The following PROM1 variants were observed in gnomAD, a reference collection of about 807,000 sequenced individuals.
The protein encoded by PROM1 is prominin-1.
PROM1 carries 105 observed loss-of-function variants against 116.9 expected under a neutral mutation model. That is an observed-to-expected ratio of 0.90 (90% CI 0.77 to 1.06). The LOEUF (loss-of-function observed/expected upper bound fraction) is 1.06, where lower values mean the gene tolerates loss of function less well. Ranked by LOEUF, PROM1 falls within the 50% of genes least tolerant of loss-of-function variation. The pLI, the probability that PROM1 is intolerant of heterozygous loss-of-function variation, is 0.00. For synonymous variants in PROM1, 393 were observed against 387.0 expected (o/e 1.02, Z -0.18); for missense variants, 1,122 against 1,045.2 (o/e 1.07, Z -1.01).
intron 13 of PROM1, among the ~76,000 whole-genome samples, chr4:16,001,072 C>T (rs1179392569): frequency 6.6e-6 from 1 of 152,174 alleles, no homozygotes; most frequent in Non-Finnish European, 1.5e-5. Context: ...GTGGATGGGA[C>T]ATCATTGCAG....
intron 24 of PROM1, 67 bp downstream of exon 24, chr4:15,980,355 A>T: frequency 9.6e-7 from 1 of 1,042,228 alleles, no homozygotes; most frequent in Non-Finnish European, 1.4e-6. Context: ...ACTCATCTTT[A>T]GCAACTCTTT....
At chr4:16,038,909 C>A (rs774639107) in intron 3 of PROM1, 37 bp downstream of exon 3, 2 of 1,439,308 alleles carry the variant, frequency 1.4e-6, no homozygotes, top group South Asian at 1.5e-5. Context: ...TCTCATACTT[C>A]GTATTTTTAA....
chr4:16,062,205 T>C (rs1740514185), intron 2 of PROM1, among the ~76,000 whole-genome samples: 1 of 152,106 alleles, frequency 6.6e-6, no homozygotes, highest in Non-Finnish European at 1.5e-5. Context: ...ATTTCCCTTT[T>C]AAGAAGACAC....
chr4:15,985,087 T>G (rs1184639614), intron 22 of PROM1, among the ~76,000 whole-genome samples: 1 of 152,164 alleles, frequency 6.6e-6, no homozygotes, highest in Non-Finnish European at 1.5e-5. Context: ...TTAAAACATA[T>G]TCAGAAAACA....
chr4:16,063,146 G>T (rs1239400868), intron 2 of PROM1, among the ~76,000 whole-genome samples: 2 of 152,174 alleles, frequency 1.3e-5, no homozygotes, highest in Non-Finnish European at 2.9e-5. Flanking sequence ...TAGTTTACAG[G>T]AAATGCAGTA....
At chr4:16,006,433 G>T in intron 13 of PROM1, 105 bp downstream of exon 13, 1 of 1,337,004 alleles carries the variant, frequency 7.5e-7, no homozygotes. Flanking sequence ...CTGGAACCCC[G>T]CGTACGTGGC....
chr4:16,065,122 A>G (rs957776373), intron 2 of PROM1, among the ~76,000 whole-genome samples: 2 of 152,116 alleles, frequency 1.3e-5, no homozygotes, highest in Non-Finnish European at 2.9e-5. Context: ...TTGCTTTGGC[A>G]GGGTTAGAGG....
chr4:15,987,236 T>C (rs1316949109), intron 20 of PROM1, among the ~76,000 whole-genome samples: 1 of 152,338 alleles, frequency 6.6e-6, no homozygotes, highest in East Asian at 1.9e-4. Context: ...TATGAGGACA[T>C]GAGGTGCCCC....
intron 13 of PROM1, among the ~76,000 whole-genome samples, chr4:16,004,821 TTC>T (rs1491336152): frequency 8.4e-6 from 1 of 118,558 alleles, no homozygotes; most frequent in Admixed American, 8.2e-5. Context: ...CTTTCTTTCT[TTC>T]TTTCTTTTTC....
chr4:16,065,050 A>T (rs1741204274), intron 2 of PROM1, among the ~76,000 whole-genome samples: 1 of 152,204 alleles, frequency 6.6e-6, no homozygotes, highest in East Asian at 1.9e-4. Flanking sequence ...GTCCAAATAC[A>T]CACAAGAATT....
At chr4:15,998,769 G>A (rs61554810) in intron 14 of PROM1, among the ~76,000 whole-genome samples, 32,836 of 151,676 alleles carry the variant, frequency 0.22, 3,709 homozygotes, top group East Asian at 0.38. Flanking sequence ...AGGCTGGAGC[G>A]CAGTGGCGCG....
At chr4:16,066,902 T>C (rs1288977826) in intron 2 of PROM1, among the ~76,000 whole-genome samples, 1 of 152,328 alleles carries the variant, frequency 6.6e-6, no homozygotes, top group South Asian at 2.1e-4. Flanking sequence ...CAGCTGTGCA[T>C]AGCCCGCCTC....
intron 2 of PROM1, among the ~76,000 whole-genome samples, chr4:16,065,560 T>C (rs1205241165): frequency 1.3e-5 from 2 of 152,142 alleles, no homozygotes; most frequent in African/African-American, 4.8e-5. Flanking sequence ...TGTCAGCTTT[T>C]TGAGAGCAAG....
intron 18 of PROM1, among the ~76,000 whole-genome samples, chr4:15,990,180 T>G (rs1720626274): frequency 1.3e-5 from 2 of 152,222 alleles, no homozygotes; most frequent in African/African-American, 4.8e-5. Flanking sequence ...AATGTTTAAT[T>G]TATTAATGAA....
chr4:16,038,873 T>C (rs2149407543), intron 3 of PROM1, 73 bp downstream of exon 3: 1 of 1,372,778 alleles, frequency 7.3e-7, no homozygotes. Context: ...TATTTAAAGA[T>C]TTACTTTCAA....
intron 2 of PROM1, among the ~76,000 whole-genome samples, chr4:16,049,421 A>C (rs535985604): frequency 1.3e-5 from 2 of 152,274 alleles, no homozygotes; most frequent in South Asian, 2.1e-4. Context: ...GATTTTCCTT[A>C]TATATAGTTT....
chr4:16,023,782 G>C (rs955579312), intron 7 of PROM1, among the ~76,000 whole-genome samples: 3 of 152,206 alleles, frequency 2.0e-5, no homozygotes, highest in Non-Finnish European at 4.4e-5. Context: ...TGACACGCTA[G>C]ATGTTGGTAG....
At chr4:15,983,628 A>G (rs1415552929) in intron 23 of PROM1, among the ~76,000 whole-genome samples, 1 of 152,220 alleles carries the variant, frequency 6.6e-6, no homozygotes, top group Non-Finnish European at 1.5e-5. Flanking sequence ...AAGTGAAAGA[A>G]GATGAGTATG....
chr4:16,024,431 A>G, intron 6 of PROM1, 73 bp from the exon 7 acceptor site: 1 of 1,297,826 alleles, frequency 7.7e-7, no homozygotes. Flanking sequence ...AAGAGATTTA[A>G]TATACAAAAG....
Sources: gnomAD v4.1 joint callset for allele counts (sites outside exome capture counted in the v4.1 genomes callset) on GRCh38, gnomAD v4.1.1 for gene constraint, MANE v1.5 for transcripts, NCBI Gene and HGNC (gene_info 2026-07-23, HGNC 2026-07-21) for gene names.